Variants in WWOX observed in about 807,000 individuals in gnomAD.
WWOX encodes WW domain-containing oxidoreductase.
In WWOX, 69 loss-of-function variants were observed where a neutral mutation model predicts 46.2. The observed-to-expected ratio is 1.49, with a 90% CI of 1.23 to 1.82. WWOX has a LOEUF of 1.82. Ranked by LOEUF, WWOX falls within the 40% of genes most tolerant of loss-of-function variation. WWOX has a pLI of 0.00. For missense variants in WWOX, 919 were observed against 542.6 expected (o/e 1.69, Z -6.89); for synonymous variants, 359 against 202.6 (o/e 1.77, Z -6.56).
intron 5 of WWOX, among the ~76,000 whole-genome samples, chr16:78,376,980 G>A (rs944378252): frequency 6.6e-6 from 1 of 152,164 alleles, no homozygotes; most frequent in East Asian, 1.9e-4. Context: ...ATTGACTTGC[G>A]ACTTGCGGCA....
At chr16:78,661,029 A>T (rs1016574125) in intron 8 of WWOX, among the ~76,000 whole-genome samples, 2 of 152,202 alleles carry the variant, frequency 1.3e-5, no homozygotes, top group African/African-American at 4.8e-5. Flanking sequence ...CACATGACTT[A>T]GTAATGAATG....
At chr16:78,808,665 G>A (rs1197327925) in intron 8 of WWOX, among the ~76,000 whole-genome samples, 1 of 152,126 alleles carries the variant, frequency 6.6e-6, no homozygotes, top group African/African-American at 2.4e-5. Flanking sequence ...TTAATTTCCT[G>A]CATCAGCTAA....
intron 8 of WWOX, among the ~76,000 whole-genome samples, chr16:79,176,706 A>G (rs531195275): frequency 2.0e-5 from 3 of 152,314 alleles, no homozygotes; most frequent in South Asian, 2.1e-4. Context: ...ATGATAGAAT[A>G]CAAAACACCG....
At chr16:79,071,507 T>A (rs1457595316) in intron 8 of WWOX, among the ~76,000 whole-genome samples, 1 of 152,180 alleles carries the variant, frequency 6.6e-6, no homozygotes, top group Non-Finnish European at 1.5e-5. Context: ...TTGAAAACTG[T>A]TTTTATTGCT....
At chr16:78,554,183 C>G (rs1257464437) in intron 8 of WWOX, among the ~76,000 whole-genome samples, 1 of 152,108 alleles carries the variant, frequency 6.6e-6, no homozygotes, top group Non-Finnish European at 1.5e-5. Context: ...GGCAGTAGCA[C>G]TAGAGCAGGG....
chr16:78,827,659 C>A (rs1208517407), intron 8 of WWOX, among the ~76,000 whole-genome samples: 9 of 144,302 alleles, frequency 6.2e-5, no homozygotes, highest in Non-Finnish European at 1.2e-4. Flanking sequence ...ATGGTGAAAC[C>A]CCATCTCTAC....
chr16:78,831,070 G>A (rs1021247086), intron 8 of WWOX, among the ~76,000 whole-genome samples: 1 of 152,324 alleles, frequency 6.6e-6, no homozygotes, highest in Admixed American at 6.5e-5. Context: ...TTCTGTAAGA[G>A]AAGAAGGGAC....
chr16:78,381,390 G>A (rs1053974357), intron 5 of WWOX, among the ~76,000 whole-genome samples: 3 of 152,118 alleles, frequency 2.0e-5, no homozygotes, highest in African/African-American at 7.2e-5. Context: ...CTACTGATGA[G>A]TGCCACTATA....
In WWOX at chr16:78,885,333, A is replaced by C. The variant is rs192340205; in HGVS notation, c.1057-326275A>C. On this transcript the variant is annotated intron_variant, in intron 8 of 8. Transcript: ENST00000566780. ...ATAAATATTTGAATAACATTTGGTCAGTATAAAATCTTTCCTGTCAGCTCA... is the reference window on the plus strand; with the variant it reads ...ATAAATATTTGAATAACATTTGGTCCGTATAAAATCTTTCCTGTCAGCTCA... 5.9e-5 allele frequency among the ~76,000 whole-genome samples: 9 copies of C among 152,184 alleles called. No homozygotes were observed. The East Asian group carries it at 1.7e-3, about 29-fold the overall frequency.
At chr16:79,096,275 C>A (rs998434819) in intron 8 of WWOX, among the ~76,000 whole-genome samples, 1 of 152,112 alleles carries the variant, frequency 6.6e-6, no homozygotes, top group Admixed American at 6.6e-5. Flanking sequence ...TAGATCACCT[C>A]TTTCTCCTGC....
intron 8 of WWOX, among the ~76,000 whole-genome samples, chr16:78,740,345 C>T (rs866275484): frequency 1.3e-5 from 2 of 152,136 alleles, no homozygotes; most frequent in African/African-American, 4.8e-5. Flanking sequence ...AATCAAGCAG[C>T]CTCTCTTGAA....
chr16:78,557,181 T>G (rs2151551913), intron 8 of WWOX, among the ~76,000 whole-genome samples: 1 of 152,268 alleles, frequency 6.6e-6, no homozygotes, highest in South Asian at 2.1e-4. Context: ...TCTGCTTGTT[T>G]CTGAATACCC....
chr16:78,233,431 A>T (rs1011873659), intron 5 of WWOX, among the ~76,000 whole-genome samples: 1 of 151,938 alleles, frequency 6.6e-6, no homozygotes, highest in South Asian at 2.1e-4. Context: ...GTGGTGGCCT[A>T]TTGGACTTTC....
At chr16:78,759,344 C>G (rs1289183081) in intron 8 of WWOX, among the ~76,000 whole-genome samples, 1 of 152,174 alleles carries the variant, frequency 6.6e-6, no homozygotes, top group Non-Finnish European at 1.5e-5. Flanking sequence ...AAGAGCCAGG[C>G]AAGGCACAGA....
intron 8 of WWOX, among the ~76,000 whole-genome samples, chr16:78,785,360 AGAAACTC>A (rs2050429440): frequency 6.6e-6 from 1 of 152,194 alleles, no homozygotes; most frequent in Non-Finnish European, 1.5e-5. Context: ...CAGCTAGGGA[AGAAACTC>A]AGTTAAGGCT....
At chr16:78,365,982 G>A (rs1276092613) in intron 5 of WWOX, among the ~76,000 whole-genome samples, 2 of 152,206 alleles carry the variant, frequency 1.3e-5, no homozygotes, top group Admixed American at 6.5e-5. Flanking sequence ...CCAAGATGGG[G>A]CTTGTGATTT....
At chr16:79,034,663 G>T (rs936558104) in intron 8 of WWOX, among the ~76,000 whole-genome samples, 1 of 150,920 alleles carries the variant, frequency 6.6e-6, no homozygotes, top group East Asian at 1.9e-4. Flanking sequence ...GAATGCTTCT[G>T]TGTCATTTTC....
chr16:78,562,839 G>T (rs2044471490), intron 8 of WWOX, among the ~76,000 whole-genome samples: 1 of 152,278 alleles, frequency 6.6e-6, no homozygotes, highest in Admixed American at 6.5e-5. Context: ...TCCCTGGTAC[G>T]GAGTCATCAC....
In WWOX at chr16:79,181,004, GA is replaced by G. The variant is rs1216243197; in HGVS notation, c.1057-30603del. Among the ~76,000 whole-genome samples the G allele has an allele frequency of 4.6e-5, 7 of 152,218 alleles. No individual in the cohort carries two copies. The East Asian group carries it at 1.2e-3, about 25-fold the overall frequency. ...GTATGTCTGATTTTTTAGCGTATTA[GA>G]TTTTTTACATTATTAAGTTAATACA... On this transcript the variant is annotated intron_variant, in intron 8 of 8. Transcript: ENST00000566780.
Sources: gnomAD v4.1 joint callset for allele counts (sites outside exome capture counted in the v4.1 genomes callset) on GRCh38, gnomAD v4.1.1 for gene constraint, MANE v1.5 for transcripts, NCBI Gene and HGNC (gene_info 2026-07-23, HGNC 2026-07-21) for gene names.